Variants in PTPRD observed in about 807,000 individuals in gnomAD.
PTPRD encodes the protein protein tyrosine phosphatase receptor type D.
A neutral mutation model predicts 214.5 loss-of-function variants in PTPRD; 34 were observed. That is an observed-to-expected ratio of 0.16 (90% CI 0.12 to 0.21). PTPRD has a LOEUF of 0.21. PTPRD is among the 10% of genes least tolerant of loss of function. The probability of loss-of-function intolerance (pLI) is 1.00; values close to 1 mark genes in which losing one functional copy is unlikely to be tolerated. For missense variants in PTPRD, 2,545 were observed against 2,398.7 expected, an observed-to-expected ratio of 1.06 and a Z score of -1.27; for synonymous variants, 1,128 against 845.7, an observed-to-expected ratio of 1.33 and a Z score of -5.79.
At chr9:9,411,985 C>T (rs1260231669) in intron 8 of PTPRD, among the ~76,000 whole-genome samples, 1 of 152,148 alleles carries the variant, frequency 6.6e-6, no homozygotes, top group East Asian at 1.9e-4. Context: ...GTGAAGGATG[C>T]CAGGGCCACA....
At chr9:9,444,386 A>G (rs761993618) in intron 8 of PTPRD, among the ~76,000 whole-genome samples, 1 of 152,190 alleles carries the variant, frequency 6.6e-6, no homozygotes, top group African/African-American at 2.4e-5. Context: ...TCCTTCAAAC[A>G]ATAATCTCTC....
At chr9:9,892,322 C>T (rs79758793) in intron 5 of PTPRD, among the ~76,000 whole-genome samples, 2,594 of 152,142 alleles carry the variant, frequency 0.017, 73 homozygotes, top group African/African-American at 0.059. Flanking sequence ...GAACAGTCCC[C>T]GCTGGCTTTC....
At chr9:9,710,886 C>T (rs182185179) in intron 7 of PTPRD, among the ~76,000 whole-genome samples, 3 of 152,146 alleles carry the variant, frequency 2.0e-5, no homozygotes, top group Non-Finnish European at 2.9e-5. Context: ...CCAGCCAGGG[C>T]CGTGATTTGT....
At chr9:8,407,775 A>C (rs900503749) in intron 35 of PTPRD, among the ~76,000 whole-genome samples, 1 of 152,224 alleles carries the variant, frequency 6.6e-6, no homozygotes, top group Non-Finnish European at 1.5e-5. Flanking sequence ...AACATTGATT[A>C]AATAATGCTG....
chr9:9,138,081 A>T (rs1056014510), intron 10 of PTPRD, among the ~76,000 whole-genome samples: 1 of 152,156 alleles, frequency 6.6e-6, no homozygotes, highest in Non-Finnish European at 1.5e-5. Flanking sequence ...AGCTCAAGAC[A>T]TTTCTCCTAT....
At chr9:9,489,815 G>A (rs967089932) in intron 8 of PTPRD, among the ~76,000 whole-genome samples, 3 of 143,134 alleles carry the variant, frequency 2.1e-5, no homozygotes, top group Middle Eastern at 3.3e-3. Context: ...AAAAGAAGAA[G>A]GAAGAAAAAA....
rs1312128798 is a variant in PTPRD, at chr9:10,412,044, T to G, written c.-599-71027A>C. 3.3e-5 allele frequency among the ~76,000 whole-genome samples: 5 copies of G among 151,928 alleles called. No homozygotes were observed. In the East Asian group the frequency reaches 7.8e-4, roughly 24 times the overall value. Reference sequence around the variant, plus strand: ...GAATTTCATAACTTTTTTGATGTTTTAATGCTGAGTGTCCATTTCATGATA... The same window carrying G: ...GAATTTCATAACTTTTTTGATGTTTGAATGCTGAGTGTCCATTTCATGATA... On this transcript the variant is annotated intron_variant, in intron 2 of 45. Transcript: ENST00000381196.
intron 10 of PTPRD, among the ~76,000 whole-genome samples, chr9:9,043,417 C>G (rs2099651015): frequency 6.6e-6 from 1 of 152,124 alleles, no homozygotes; most frequent in Non-Finnish European, 1.5e-5. Context: ...CAATATTTGT[C>G]TAGTATTTCA....
At chr9:8,964,525 C>A (rs1303430225) in intron 11 of PTPRD, among the ~76,000 whole-genome samples, 2 of 151,714 alleles carry the variant, frequency 1.3e-5, no homozygotes, top group Non-Finnish European at 2.9e-5. Flanking sequence ...TTCATTGATT[C>A]TTTTTATGGA....
At chr9:10,245,745 G>A (rs1476892870) in intron 3 of PTPRD, among the ~76,000 whole-genome samples, 1 of 152,120 alleles carries the variant, frequency 6.6e-6, no homozygotes, top group Non-Finnish European at 1.5e-5. Flanking sequence ...TGTGTATTGG[G>A]ACAGGGGGAA....
At chr9:10,432,162 C>T (rs911694070) in intron 2 of PTPRD, among the ~76,000 whole-genome samples, 19 of 151,548 alleles carry the variant, frequency 1.3e-4, no homozygotes, top group African/African-American at 4.6e-4. Flanking sequence ...TGGAAATCAT[C>T]ATTCTCAGTA....
intron 2 of PTPRD, among the ~76,000 whole-genome samples, chr9:10,417,715 C>T (rs941400161): frequency 2.0e-5 from 3 of 151,612 alleles, no homozygotes; most frequent in Admixed American, 6.6e-5. Context: ...ACAATAGTAG[C>T]AAGGAAGACC....
At chr9:10,401,515 T>C (rs1249348031) in intron 2 of PTPRD, among the ~76,000 whole-genome samples, 1 of 150,878 alleles carries the variant, frequency 6.6e-6, no homozygotes, top group Non-Finnish European at 1.5e-5. Context: ...GCTCACAGTA[T>C]GTAAACAGGT....
chr9:9,533,490 T>G (rs1318088511), intron 8 of PTPRD, among the ~76,000 whole-genome samples: 1 of 152,102 alleles, frequency 6.6e-6, no homozygotes, highest in African/African-American at 2.4e-5. Context: ...TGTTTTCTTT[T>G]GGGTATTTTC....
chr9:9,408,299 G>C (rs542027032), intron 8 of PTPRD, among the ~76,000 whole-genome samples: 1 of 151,732 alleles, frequency 6.6e-6, no homozygotes, highest in African/African-American at 2.4e-5. Context: ...AACTGAACCA[G>C]AGAAATCTAA....
At chr9:10,325,345 C>T (rs897308729) in intron 3 of PTPRD, among the ~76,000 whole-genome samples, 8 of 151,910 alleles carry the variant, frequency 5.3e-5, no homozygotes, top group African/African-American at 1.9e-4. Context: ...ACTGAGGCAG[C>T]ACTTAAATCC....
intron 5 of PTPRD, among the ~76,000 whole-genome samples, chr9:9,922,100 C>G (rs1022340163): frequency 6.6e-6 from 1 of 152,074 alleles, no homozygotes; most frequent in Admixed American, 6.6e-5. Context: ...GGAGCCCCCA[C>G]AAGAAGTTAG....
At chr9:9,295,845 C>A (rs1381342914) in intron 9 of PTPRD, among the ~76,000 whole-genome samples, 1 of 151,830 alleles carries the variant, frequency 6.6e-6, no homozygotes, top group Non-Finnish European at 1.5e-5. Context: ...AATTCAGAGG[C>A]AACGCCTCTC....
chr9:8,933,339 G>GTTTTTTTTTTTTTTTTTTTTTTTTTT (rs1567089304), intron 11 of PTPRD, among the ~76,000 whole-genome samples: 4 of 68,824 alleles, frequency 5.8e-5, no homozygotes, highest in African/African-American at 2.0e-4. Context: ...ACAACCTTGA[G>GTTTTTTTTTTTTTTTTTTTTTTTTTT]GTTTTTTTTT....
Sources: allele counts gnomAD v4.1 joint callset (sites outside exome capture counted in the v4.1 genomes callset), GRCh38; gene constraint gnomAD v4.1.1; transcripts MANE v1.5; gene names NCBI Gene and HGNC (gene_info 2026-07-23, HGNC 2026-07-21).